RAPGEF5: variants seen among roughly 807,000 people sequenced by gnomAD.
RAPGEF5 encodes Rap guanine nucleotide exchange factor 5.
In RAPGEF5, 65 loss-of-function variants were observed where a neutral mutation model predicts 125.2. The observed-to-expected ratio is 0.52, with a 90% CI of 0.43 to 0.64. The LOEUF is 0.64. Among genes scored for constraint, RAPGEF5 ranks in the 30% least tolerant of loss-of-function variants. RAPGEF5 has a pLI of 0.00. For synonymous variants in RAPGEF5, 391 were observed against 385.9 expected (o/e 1.01, Z -0.16); for missense variants, 958 against 1,048.1 (o/e 0.91, Z 1.19).
intron 7 of RAPGEF5, among the ~76,000 whole-genome samples, chr7:22,231,466 C>A (rs147596994): frequency 6.6e-6 from 1 of 152,152 alleles, no homozygotes; most frequent in Non-Finnish European, 1.5e-5. Context: ...TGACCTCTTA[C>A]ACAAAGCCCT....
At chr7:22,125,779 G>T in intron 24 of RAPGEF5, 121 bp from the exon 25 acceptor site, 1 of 909,218 alleles carries the variant, frequency 1.1e-6, no homozygotes, top group Non-Finnish European at 1.8e-6. Flanking sequence ...GAGAAGAACT[G>T]TATTTGGAGC....
intron 7 of RAPGEF5, among the ~76,000 whole-genome samples, chr7:22,237,473 A>C (rs1180926294): frequency 3.8e-5 from 3 of 79,354 alleles, no homozygotes; most frequent in Non-Finnish European, 6.9e-5. Context: ...TAGGCTTCTC[A>C]AAAAAAAAAA....
At chr7:22,321,611 A>G (rs79092768) in intron 1 of RAPGEF5, among the ~76,000 whole-genome samples, 8,942 of 152,294 alleles carry the variant, frequency 0.059, 318 homozygotes, top group Middle Eastern at 0.11. Context: ...TTTTACTAAC[A>G]TGAACTAACA....
chr7:22,146,615 T>A (rs1783447622), intron 19 of RAPGEF5, among the ~76,000 whole-genome samples: 1 of 152,154 alleles, frequency 6.6e-6, no homozygotes. Context: ...ATCAACCCCA[T>A]TAGAGCCTCA....
chr7:22,144,043 A>G (rs1198445879), intron 20 of RAPGEF5, among the ~76,000 whole-genome samples: 1 of 152,222 alleles, frequency 6.6e-6, no homozygotes, highest in African/African-American at 2.4e-5. Flanking sequence ...GAAGCGCAGG[A>G]AGTAAAAGGA....
At chr7:22,355,489 T>C (rs558405527) in intron 1 of RAPGEF5, among the ~76,000 whole-genome samples, 1 of 152,316 alleles carries the variant, frequency 6.6e-6, no homozygotes, top group East Asian at 1.9e-4. Context: ...TTCTTGTTTA[T>C]TCCGACACCA....
rs1284371442 is a variant in RAPGEF5, at chr7:22,138,330, T to C, written c.2278-1347A>G. On this transcript the variant is annotated intron_variant, in intron 21 of 25. Transcript: ENST00000665637. ...ATTCAGGCACGTACTACAGCTGCTC[T>C]TTCACTCCAATGGCAGAGTTGAGCA... is the stretch of plus-strand genomic sequence containing the variant. Among the ~76,000 whole-genome samples, 5 of 152,312 alleles carry C rather than the reference T, an allele frequency of 3.3e-5. No homozygotes were observed. The East Asian group carries it at 9.7e-4, about 29-fold the overall frequency.
intron 20 of RAPGEF5, among the ~76,000 whole-genome samples, chr7:22,142,294 G>A (rs1343878670): frequency 1.3e-5 from 2 of 152,190 alleles, no homozygotes; most frequent in African/African-American, 4.8e-5. Context: ...CAGGTTCCTA[G>A]TACACAAGAA....
chr7:22,310,469 T>A (rs1174996178), intron 3 of RAPGEF5, among the ~76,000 whole-genome samples: 2 of 152,238 alleles, frequency 1.3e-5, no homozygotes, highest in African/African-American at 4.8e-5. Context: ...TCAAAATATA[T>A]TTGTTTGAAA....
intron 8 of RAPGEF5, among the ~76,000 whole-genome samples, chr7:22,220,507 G>A (rs1320369866): frequency 1.3e-5 from 2 of 152,108 alleles, no homozygotes; most frequent in Admixed American, 1.3e-4. Context: ...TCACAATTGG[G>A]AAGTTACCAT....
At chr7:22,127,898 G>C (rs756264677) in intron 24 of RAPGEF5, among the ~76,000 whole-genome samples, 2 of 152,206 alleles carry the variant, frequency 1.3e-5, no homozygotes, top group Non-Finnish European at 2.9e-5. Flanking sequence ...CTATTCGATA[G>C]TGGAAAATTG....
At chr7:22,269,989 G>A (rs1298654382) in intron 6 of RAPGEF5, among the ~76,000 whole-genome samples, 1 of 152,200 alleles carries the variant, frequency 6.6e-6, no homozygotes, top group Non-Finnish European at 1.5e-5. Flanking sequence ...AGGAGAACAG[G>A]TGAAGGCAGC....
At chr7:22,135,125 G>T (rs1382377659) in intron 23 of RAPGEF5, among the ~76,000 whole-genome samples, 2 of 152,202 alleles carry the variant, frequency 1.3e-5, no homozygotes, top group Non-Finnish European at 2.9e-5. Flanking sequence ...GGGGAATGAG[G>T]ATGGCCAGGC....
At chr7:22,168,199 G>C (rs1192401504) in intron 11 of RAPGEF5, among the ~76,000 whole-genome samples, 1 of 152,166 alleles carries the variant, frequency 6.6e-6, no homozygotes, top group African/African-American at 2.4e-5. Flanking sequence ...TTAGGAGGGG[G>C]TATTTGAGAG....
chr7:22,154,190 G>C (rs910862118), intron 17 of RAPGEF5, among the ~76,000 whole-genome samples: 6 of 152,014 alleles, frequency 3.9e-5, no homozygotes, highest in African/African-American at 1.2e-4. Context: ...CTTATCTAGA[G>C]TACAAAATAT....
chr7:22,152,698 C>G (rs1783667432), intron 17 of RAPGEF5, among the ~76,000 whole-genome samples: 1 of 151,984 alleles, frequency 6.6e-6, no homozygotes, highest in Non-Finnish European at 1.5e-5. Context: ...AAAGAAAAAA[C>G]TCACCATTTC....
In RAPGEF5 at chr7:22,150,457, C is replaced by G. The variant is rs374427083; in HGVS notation, c.1834G>C (p.Glu612Gln). 29 of 1,600,298 alleles carry G rather than the reference C, an allele frequency of 1.8e-5. No individual in the cohort carries two copies. The African/African-American group carries it at 1.9e-4, about 11-fold the overall frequency. ...TAGACATATATTCGACCAGATGCCT[C>G]GAGGGATTTGGAGATGACTAAGTCA... ...PNDLVISKSL[E>Q]ASGRIYVYRK... The change falls in exon 18 of 26, where the codon GAG (glutamate) becomes CAG (glutamine). Residue 612 changes from glutamate to glutamine, a missense_variant. Transcript: ENST00000665637.
chr7:22,183,592 TA>T (rs1291640751), intron 11 of RAPGEF5, among the ~76,000 whole-genome samples: 1 of 152,154 alleles, frequency 6.6e-6, no homozygotes, highest in African/African-American at 2.4e-5. Context: ...CATATGCAAA[TA>T]TGAATAAAGT....
chr7:22,190,747 G>A (rs1216262653), intron 11 of RAPGEF5, among the ~76,000 whole-genome samples: 1 of 152,172 alleles, frequency 6.6e-6, no homozygotes, highest in Middle Eastern at 3.2e-3. Context: ...GGAAAGCGAT[G>A]AGAAATTACT....
Sources: allele counts gnomAD v4.1 joint callset (sites outside exome capture counted in the v4.1 genomes callset), GRCh38; gene constraint gnomAD v4.1.1; transcripts MANE v1.5; gene names NCBI Gene and HGNC (gene_info 2026-07-23, HGNC 2026-07-21).